LARP1B: variants seen among roughly 807,000 people sequenced by gnomAD.
LARP1B encodes the protein La ribonucleoprotein 1B, also known as la-related protein 1B.
A neutral mutation model predicts 114.2 loss-of-function variants in LARP1B; 76 were observed. That is an observed-to-expected ratio of 0.67 (90% CI 0.55 to 0.81). LARP1B has a LOEUF of 0.81. Among genes scored for constraint, LARP1B ranks in the 30% least tolerant of loss-of-function variants. The probability of loss-of-function intolerance (pLI) is 0.00; values close to 1 mark genes in which losing one functional copy is unlikely to be tolerated. For missense variants in LARP1B, 1,014 were observed against 1,075.8 expected (o/e 0.94, Z 0.80); for synonymous variants, 345 against 348.0 (o/e 0.99, Z 0.10).
chr4:128,140,982 AT>A (rs1260067784), intron 11 of LARP1B, among the ~76,000 whole-genome samples: 3 of 151,794 alleles, frequency 2.0e-5, no homozygotes, highest in African/African-American at 7.3e-5. Context: ...TGCCTGGCTA[AT>A]TTTTGTATTT....
downstream of LARP1B, among the ~76,000 whole-genome samples, chr4:128,213,987 C>T (rs1303351832): frequency 6.6e-6 from 1 of 151,514 alleles, no homozygotes; most frequent in Non-Finnish European, 1.5e-5. Context: ...ATTGCCTCAC[C>T]TGGGAAGCGC....
chr4:128,107,987 C>G, intron 9 of LARP1B: 3 of 1,526,644 alleles, frequency 2.0e-6, no homozygotes, highest in Non-Finnish European at 2.6e-6. Context: ...ACAAATCCTG[C>G]TGCAAAAATG....
chr4:128,098,507 C>G (rs764451373), intron 8 of LARP1B, among the ~76,000 whole-genome samples, 177 bp downstream of exon 8: 8 of 151,546 alleles, frequency 5.3e-5, no homozygotes, highest in South Asian at 2.1e-4. Context: ...ACCTTGGAAA[C>G]CCCTGAAAGT....
At chr4:128,100,942 C>T (rs1040976797) in intron 8 of LARP1B, among the ~76,000 whole-genome samples, 4 of 150,828 alleles carry the variant, frequency 2.7e-5, no homozygotes, top group South Asian at 2.1e-4. Flanking sequence ...CTCAGCCTCC[C>T]GAGTAGCTGG....
chr4:128,120,822 T>C (rs1484315674), intron 10 of LARP1B, among the ~76,000 whole-genome samples: 6 of 97,298 alleles, frequency 6.2e-5, no homozygotes, highest in African/African-American at 2.1e-4. Context: ...TTTTTTTTTT[T>C]TTTCTTCAGA....
chr4:128,211,007 A>T lies in LARP1B; in HGVS notation c.*954A>T. 4 of 921,188 alleles carry T rather than the reference A, an allele frequency of 4.3e-6. No individual in the cohort carries two copies. The highest frequency in any genetic ancestry group is 3.9e-6 in the Non-Finnish European group (3 of 771,762). 57.1% of individuals were successfully genotyped at this position (921,188 alleles called of 1,614,324 possible). A position where few individuals can be genotyped will look rare whatever the true frequency, so the allele number is the denominator to read the frequency against. On this transcript the variant is annotated 3_prime_UTR_variant, in exon 20 of 20. Coordinates refer to ENST00000326639, the MANE Select transcript of LARP1B (RefSeq NM_018078.4). ...TACCTTTTTGTTTATTTTTTGTTTA[A>T]TTTTGTTTTTATAAATGTTTTCAAG...
At chr4:128,076,561 G>C (rs1266423191) in intron 3 of LARP1B, among the ~76,000 whole-genome samples, 15 of 152,174 alleles carry the variant, frequency 9.9e-5, no homozygotes, top group Non-Finnish European at 2.2e-4. Flanking sequence ...AAATAAAACT[G>C]CTATATGAAC....
chr4:128,194,517 C>T (rs546807359), intron 15 of LARP1B, among the ~76,000 whole-genome samples: 1 of 151,658 alleles, frequency 6.6e-6, no homozygotes, highest in East Asian at 2.0e-4. Flanking sequence ...CCCGTCTCTG[C>T]TAAAAATACA....
At chr4:128,162,058 T>C in intron 11 of LARP1B, 136 bp from the exon 12 acceptor site, 1 of 683,824 alleles carries the variant, frequency 1.5e-6, no homozygotes, top group African/African-American at 1.8e-5. Flanking sequence ...CTAGACTCTT[T>C]ATTAGAACGT....
At chr4:128,117,810 AC>A (rs1317065343) in intron 10 of LARP1B, among the ~76,000 whole-genome samples, 1 of 151,630 alleles carries the variant, frequency 6.6e-6, no homozygotes, top group Non-Finnish European at 1.5e-5. Flanking sequence ...GTGAACCACC[AC>A]ACCTGGCCTT....
intron 9 of LARP1B, chr4:128,108,903 A>G (rs1036556870): frequency 1.1e-6 from 1 of 916,714 alleles, no homozygotes; most frequent in Non-Finnish European, 1.3e-6. Flanking sequence ...ATAAAATCAT[A>G]ATGTTGTACA....
rs529676246 is a variant in LARP1B at position 128,061,974 on chromosome 4, G to T, written c.-78+573G>T. 6.1e-6 allele frequency: 6 copies of T among 985,220 alleles called. No homozygotes were observed. The East Asian group carries it at 5.7e-4, about 93-fold the overall frequency. The allele number at this position is 985,220 out of a possible 1,614,324, so 61.0% of individuals were successfully genotyped here. On this transcript the variant is annotated intron_variant, in intron 1 of 19. Transcript: ENST00000326639. ...GCGCTGCACCTGGCGCACAAGGCGC[G>T]TGGGCCCGGGGGCCCTTTCGGCGGG...
chr4:128,139,849 G>A (rs971893560), intron 11 of LARP1B, among the ~76,000 whole-genome samples: 12 of 147,956 alleles, frequency 8.1e-5, no homozygotes, highest in Non-Finnish European at 1.2e-4. Context: ...GGTAAGTAGA[G>A]TTTGGGAGTA....
At chr4:128,073,418 CAAAAAAAAAAA>C (rs776553862) in intron 1 of LARP1B, among the ~76,000 whole-genome samples, 27 of 42,918 alleles carry the variant, frequency 6.3e-4, no homozygotes, top group South Asian at 1.7e-3. Context: ...GATTCCGTCT[CAAAAAAAAAAA>C]AAAAAAAAAA....
At chr4:128,120,920 C>T (rs1787725928) in intron 10 of LARP1B, among the ~76,000 whole-genome samples, 1 of 151,294 alleles carries the variant, frequency 6.6e-6, no homozygotes, top group African/African-American at 2.4e-5. Flanking sequence ...AAGCAATTCT[C>T]CTGCCTCAGC....
At chr4:128,121,748 C>A in intron 10 of LARP1B, 78 bp from the exon 11 acceptor site, 2 of 1,046,538 alleles carry the variant, frequency 1.9e-6, no homozygotes, top group Non-Finnish European at 2.7e-6. Context: ...ATATTACTTA[C>A]TTGTAACACT....
In LARP1B at chr4:128,211,685, A is replaced by C. The variant is rs987665447; in HGVS notation, c.*1632A>C. ...AGTGAGAAATTTCCAAACCGTGCTT[A>C]TTAGCTTTAAATGGTCTCTTGAAAT... On this transcript the variant is annotated 3_prime_UTR_variant, in exon 20 of 20. Transcript: ENST00000326639. 9.2e-5 allele frequency: 91 copies of C among 985,196 alleles called. No homozygotes were observed. The highest frequency in any genetic ancestry group is 1.0e-4 in the Non-Finnish European group (87 of 829,832). 61.0% of individuals were successfully genotyped at this position (985,196 alleles called of 1,614,324 possible).
At chr4:128,154,711 T>A (rs900063478) in intron 11 of LARP1B, among the ~76,000 whole-genome samples, 2 of 152,246 alleles carry the variant, frequency 1.3e-5, no homozygotes, top group African/African-American at 4.8e-5. Flanking sequence ...ACTCTCCTGT[T>A]CTACCTTTGC....
At chr4:128,127,744 A>C (rs1790116639) in intron 11 of LARP1B, among the ~76,000 whole-genome samples, 1 of 152,158 alleles carries the variant, frequency 6.6e-6, no homozygotes, top group Non-Finnish European at 1.5e-5. Context: ...GAGGCAGGGG[A>C]ATTGCTTGAA....
Sources: gnomAD v4.1 joint callset for allele counts (sites outside exome capture counted in the v4.1 genomes callset) on GRCh38, gnomAD v4.1.1 for gene constraint, MANE v1.5 for transcripts, NCBI Gene and HGNC (gene_info 2026-07-23, HGNC 2026-07-21) for gene names.